OTUB2: variants seen among roughly 807,000 people sequenced by gnomAD.
OTUB2 encodes the protein OTU deubiquitinase, ubiquitin aldehyde binding 2, also known as ubiquitin thioesterase OTUB2.
A neutral mutation model predicts 25.1 loss-of-function variants in OTUB2; 21 were observed. The ratio of observed to expected loss-of-function variants is 0.84; its 90% confidence interval spans 0.59 to 1.21. The LOEUF (loss-of-function observed/expected upper bound fraction) is 1.21. OTUB2 is among the 50% of genes most tolerant of loss of function. The pLI, the probability that OTUB2 is intolerant of heterozygous loss-of-function variation, is 0.00. For synonymous variants in OTUB2, 122 were observed against 122.8 expected, an observed-to-expected ratio of 0.99 and a Z score of 0.04; for missense variants, 283 against 298.0, an observed-to-expected ratio of 0.95 and a Z score of 0.37.
chr14:94,030,240 T>A (rs993191884), intron 1 of OTUB2, among the ~76,000 whole-genome samples: 1 of 149,864 alleles, frequency 6.7e-6, no homozygotes, highest in African/African-American at 2.5e-5. Flanking sequence ...TGGGGGGAGA[T>A]GATGGCAGCT....
chr14:94,028,742 C>T (rs1254362424), intron 1 of OTUB2, among the ~76,000 whole-genome samples: 3 of 152,226 alleles, frequency 2.0e-5, no homozygotes, highest in South Asian at 2.1e-4. Context: ...GACAGCTGGA[C>T]ACAAGCAGTG....
chr14:94,046,013 G>A lies in OTUB2; in HGVS notation c.*91G>A. 7.1e-7 allele frequency: 1 copy of A among 1,416,246 alleles called. No homozygotes were observed. The highest frequency in any genetic ancestry group is 9.7e-7 in the Non-Finnish European group (1 of 1,025,758). 87.7% of individuals were successfully genotyped at this position (1,416,246 alleles called of 1,614,324 possible). A position where few individuals can be genotyped will look rare whatever the true frequency, so the allele number is the denominator to read the frequency against. On this transcript the variant is annotated 3_prime_UTR_variant, in exon 6 of 6. Coordinates refer to ENST00000203664, the MANE Select transcript of OTUB2 (RefSeq NM_023112.4). ...GCTCTTCAATTTTTTAAGCAATTTA[G>A]ACTGTAGCAAGAAAATGTGCAGCCT...
chr14:94,032,265 C>A (rs975085223), intron 1 of OTUB2, among the ~76,000 whole-genome samples: 1 of 152,148 alleles, frequency 6.6e-6, no homozygotes, highest in African/African-American at 2.4e-5. Context: ...GGAGGTAGCC[C>A]ACCTGCGAGA....
chr14:94,039,397 G>A (rs2141411920), intron 3 of OTUB2: 1 of 357,734 alleles, frequency 2.8e-6, no homozygotes, highest in South Asian at 4.9e-5. Context: ...GAAAAGAAAA[G>A]ACAAACAAAA....
chr14:94,038,904 C>T (rs1885107023), intron 2 of OTUB2, 59 bp from the exon 3 acceptor site: 1 of 1,516,526 alleles, frequency 6.6e-7, no homozygotes, highest in African/African-American at 1.4e-5. Context: ...GTCCCAGTGC[C>T]CAAACCACAC....
intron 3 of OTUB2, among the ~76,000 whole-genome samples, chr14:94,040,981 G>A (rs1885150374): frequency 1.3e-5 from 2 of 152,200 alleles, no homozygotes; most frequent in South Asian, 2.1e-4. Context: ...GAGGGATTGC[G>A]CAGCACGGGG....
At chr14:94,031,525 G>A (rs1884961216) in intron 1 of OTUB2, among the ~76,000 whole-genome samples, 1 of 152,104 alleles carries the variant, frequency 6.6e-6, no homozygotes, top group African/African-American at 2.4e-5. Flanking sequence ...TGGGGTATCA[G>A]GGGCAACCTC....
intron 1 of OTUB2, among the ~76,000 whole-genome samples, chr14:94,031,942 A>G (rs1884970035): frequency 6.6e-6 from 1 of 152,196 alleles, no homozygotes; most frequent in Non-Finnish European, 1.5e-5. Context: ...ATTTTCAGCC[A>G]TGGTTTTAAA....
intron 2 of OTUB2, among the ~76,000 whole-genome samples, chr14:94,038,738 C>CCCGGA (rs1417732570): frequency 6.6e-6 from 1 of 152,238 alleles, no homozygotes; most frequent in Non-Finnish European, 1.5e-5. Context: ...CATCTTCCCT[C>CCCGGA]CCGGACCGTA....
At chr14:94,034,003 A>G (rs10467749) in intron 1 of OTUB2, among the ~76,000 whole-genome samples, 10,277 of 152,276 alleles carry the variant, frequency 0.067, 1,079 homozygotes, top group African/African-American at 0.23. Context: ...GTTAAAAGAA[A>G]AAACACAAAT....
Position 94,026,477 on chromosome 14 carries a change from G to T in OTUB2, c.-61G>T. 2 of 1,326,732 alleles carry T rather than the reference G, an allele frequency of 1.5e-6. No homozygotes were observed. The highest frequency in any genetic ancestry group is 1.9e-6 in the Non-Finnish European group (2 of 1,033,458). 82.2% of individuals were successfully genotyped at this position (1,326,732 alleles called of 1,614,324 possible). On this transcript the variant is annotated 5_prime_UTR_variant, in exon 1 of 6. Coordinates refer to ENST00000203664, the MANE Select transcript of OTUB2 (RefSeq NM_023112.4). ...GCGGAGCCCGCCCGCGCCTCCCGCG[G>T]CATTCCCGCACCGGATCGCTCCTCG...
chr14:94,043,020 A>AG (rs1160224854), intron 3 of OTUB2, among the ~76,000 whole-genome samples: 5 of 152,218 alleles, frequency 3.3e-5, no homozygotes, highest in African/African-American at 1.2e-4. Flanking sequence ...TAGATATGCC[A>AG]GGACCAGGCA....
intron 3 of OTUB2, 100 bp from the exon 4 acceptor site, chr14:94,043,871 A>G: frequency 1.9e-6 from 2 of 1,037,776 alleles, no homozygotes; most frequent in Non-Finnish European, 3.0e-6. Context: ...ACTAGAGATG[A>G]GGTTGGTGGG....
chr14:94,040,788 C>T (rs1160100617), intron 3 of OTUB2, among the ~76,000 whole-genome samples: 4 of 152,148 alleles, frequency 2.6e-5, no homozygotes, highest in East Asian at 1.9e-4. Flanking sequence ...ATGAGTATCA[C>T]GTTTGAGGTG....
Position 94,045,702 on chromosome 14 carries a change from T to C in OTUB2, c.499-14T>C. ...CCCTCCTAAGCTGGCTTGTTTTCATTTTGGCCCCTGCAGGAAGTAGAGCCC... is the reference window on the plus strand; with the variant it reads ...CCCTCCTAAGCTGGCTTGTTTTCATCTTGGCCCCTGCAGGAAGTAGAGCCC... On this transcript the variant is annotated splice_polypyrimidine_tract_variant and intron_variant, in intron 5 of 5. Transcript: ENST00000203664. 6.2e-7 allele frequency: 1 copy of C among 1,613,174 alleles called. No individual in the cohort carries two copies. Among genetic ancestry groups the C allele is most frequent in the Non-Finnish European group, 8.5e-7 (1 of 1,179,394 alleles).
Position 94,045,643 on chromosome 14 carries a change from C to G in OTUB2, c.499-73C>G, listed in dbSNP as rs1013976015. The G allele has an allele frequency of 7.6e-6, 11 of 1,445,150 alleles. No homozygotes were observed. The African/African-American group carries it at 1.5e-4, about 20-fold the overall frequency. 89.5% of individuals were successfully genotyped at this position (1,445,150 alleles called of 1,614,324 possible). A position where few individuals can be genotyped will look rare whatever the true frequency, so the allele number is the denominator to read the frequency against. ...GAGGCTGTGACCATGACCCTGAGAG[C>G]CAGAGCTGAACTCACTTGTCCTCTG... On this transcript the variant is annotated intron_variant, in intron 5 of 5. Coordinates refer to ENST00000203664, the MANE Select transcript of OTUB2 (RefSeq NM_023112.4).
chr14:94,040,339 ACACAG>A (rs1416836587), intron 3 of OTUB2, among the ~76,000 whole-genome samples: 1 of 152,120 alleles, frequency 6.6e-6, no homozygotes, highest in African/African-American at 2.4e-5. Context: ...GTGGGGACCA[ACACAG>A]CACAGTGCAG....
intron 1 of OTUB2, among the ~76,000 whole-genome samples, chr14:94,031,236 C>T (rs539950352): frequency 5.7e-5 from 7 of 122,706 alleles, no homozygotes; most frequent in Admixed American, 5.4e-4. Context: ...GATCCCATCT[C>T]AGAAAAAAAA....
chr14:94,044,865 G>C (rs1885240332), intron 5 of OTUB2, 85 bp downstream of exon 5: 1 of 1,371,984 alleles, frequency 7.3e-7, no homozygotes, highest in Admixed American at 2.5e-5. Context: ...CCGTAGCCAA[G>C]GGACTCGGGT....
Sources: allele counts gnomAD v4.1 joint callset (sites outside exome capture counted in the v4.1 genomes callset), GRCh38; gene constraint gnomAD v4.1.1; transcripts MANE v1.5; gene names NCBI Gene and HGNC (gene_info 2026-07-23, HGNC 2026-07-21).